CDH13: variants seen among roughly 807,000 people sequenced by gnomAD.
CDH13 encodes the protein cadherin-13.
In CDH13, 24 loss-of-function variants were observed where a neutral mutation model predicts 63.8. The observed-to-expected ratio is 0.38, with a 90% CI of 0.27 to 0.53. The LOEUF (loss-of-function observed/expected upper bound fraction) is 0.53, where lower values mean the gene tolerates loss of function less well. Among genes scored for constraint, CDH13 ranks in the 20% least tolerant of loss-of-function variants. The pLI, the probability that CDH13 is intolerant of heterozygous loss-of-function variation, is 0.85. For synonymous variants in CDH13, 503 were observed against 355.3 expected, an observed-to-expected ratio of 1.42 and a Z score of -4.67; for missense variants, 1,049 against 903.1, an observed-to-expected ratio of 1.16 and a Z score of -2.07.
intron 8 of CDH13, among the ~76,000 whole-genome samples, chr16:83,653,996 G>A (rs1446597563): frequency 6.6e-6 from 1 of 152,074 alleles, no homozygotes; most frequent in Non-Finnish European, 1.5e-5. Context: ...CATGGGTGGG[G>A]GAATTAACAT....
chr16:83,361,594 G>C (rs1259260999), intron 6 of CDH13, among the ~76,000 whole-genome samples: 1 of 152,160 alleles, frequency 6.6e-6, no homozygotes, highest in Non-Finnish European at 1.5e-5. Flanking sequence ...TGCATCTTGA[G>C]TTAATTTTTG....
chr16:83,687,927 C>G (rs1904475853), intron 10 of CDH13, among the ~76,000 whole-genome samples: 1 of 152,212 alleles, frequency 6.6e-6, no homozygotes, highest in South Asian at 2.1e-4. Flanking sequence ...ACTGCTTTGT[C>G]CTGATTTCTT....
At chr16:82,913,998 A>C (rs1597203197) in intron 2 of CDH13, among the ~76,000 whole-genome samples, 2 of 152,296 alleles carry the variant, frequency 1.3e-5, no homozygotes, top group South Asian at 4.1e-4. Context: ...ATCTGGCAGA[A>C]GAGAATTTAG....
At chr16:83,049,352 A>G (rs1195196002) in intron 3 of CDH13, among the ~76,000 whole-genome samples, 6 of 119,120 alleles carry the variant, frequency 5.0e-5, no homozygotes, top group Non-Finnish European at 8.2e-5. Context: ...TTTTTGAGAC[A>G]GAGTCTCACT....
chr16:83,700,190 C>A (rs1906008725), intron 10 of CDH13, among the ~76,000 whole-genome samples: 1 of 152,178 alleles, frequency 6.6e-6, no homozygotes, highest in African/African-American at 2.4e-5. Flanking sequence ...AGTATGCCCT[C>A]TTTTTTGTCT....
At chr16:83,054,371 A>C (rs1372822636) in intron 3 of CDH13, among the ~76,000 whole-genome samples, 1 of 152,228 alleles carries the variant, frequency 6.6e-6, no homozygotes, top group Non-Finnish European at 1.5e-5. Flanking sequence ...ACTAATCTTG[A>C]ACTTTGGGGC....
chr16:83,207,638 C>A lies in CDH13; in HGVS notation c.484-9707C>A, dbSNP rs561804564. 2.6e-5 allele frequency among the ~76,000 whole-genome samples: 4 copies of A among 151,996 alleles called. No individual in the cohort carries two copies. In the South Asian group the frequency reaches 6.2e-4, roughly 24 times the overall value. On this transcript the variant is annotated intron_variant, in intron 4 of 13. Coordinates refer to ENST00000567109, the MANE Select transcript of CDH13 (RefSeq NM_001257.5). ...TCACTTAGTAAAGATGATATTGCACCTGGCCAATAATAAGTTTTAAAATAA... is the reference window on the plus strand; with the variant it reads ...TCACTTAGTAAAGATGATATTGCACATGGCCAATAATAAGTTTTAAAATAA...
intron 5 of CDH13, among the ~76,000 whole-genome samples, chr16:83,243,150 G>A (rs1252555520): frequency 2.0e-5 from 3 of 152,150 alleles, no homozygotes; most frequent in East Asian, 3.9e-4. Flanking sequence ...GAGTGGCCTC[G>A]TACCAGGGCC....
At chr16:83,230,381 G>C (rs2039968713) in intron 5 of CDH13, among the ~76,000 whole-genome samples, 1 of 152,152 alleles carries the variant, frequency 6.6e-6, no homozygotes, top group Non-Finnish European at 1.5e-5. Flanking sequence ...CTCTTGGTGA[G>C]GTAGGCTGCA....
At chr16:83,499,277 G>T (rs1194819345) in intron 7 of CDH13, among the ~76,000 whole-genome samples, 2 of 152,222 alleles carry the variant, frequency 1.3e-5, no homozygotes, top group African/African-American at 4.8e-5. Flanking sequence ...TCCTTAAGCT[G>T]TGATACTTCT....
At position 83,795,560 on chromosome 16, in the gene CDH13, G is replaced by C. The variant is rs980283379; in HGVS notation, c.*530G>C. 1 of 152,936 alleles carries C rather than the reference G, an allele frequency of 6.5e-6. No homozygotes were observed. The highest frequency in any genetic ancestry group is 1.5e-5 in the Non-Finnish European group (1 of 68,602). The allele number at this position is 152,936 out of a possible 1,614,324, so 9.5% of individuals were successfully genotyped here. On this transcript the variant is annotated 3_prime_UTR_variant, in exon 14 of 14. Transcript: ENST00000567109. ...AAGGTCAGCATGAGGACAGACCACA[G>C]AGCTGTCACTTTTGCTCCGAAGCTA...
chr16:83,305,754 A>T (rs979363935), intron 5 of CDH13, among the ~76,000 whole-genome samples: 2 of 152,176 alleles, frequency 1.3e-5, no homozygotes, highest in Non-Finnish European at 2.9e-5. Context: ...TGGGATTAAT[A>T]CTACTTACCT....
intron 2 of CDH13, among the ~76,000 whole-genome samples, chr16:82,949,897 TTCATTTG>T (rs1905115134): frequency 6.6e-6 from 1 of 152,128 alleles, no homozygotes; most frequent in Non-Finnish European, 1.5e-5. Flanking sequence ...AATTGGGTGC[TTCATTTG>T]AAATCAGAAT....
chr16:83,356,901 A>G (rs935580613), intron 6 of CDH13, among the ~76,000 whole-genome samples: 7 of 152,226 alleles, frequency 4.6e-5, no homozygotes, highest in African/African-American at 1.7e-4. Flanking sequence ...TTTATTATTC[A>G]GAAGACTGGC....
At chr16:83,676,789 G>A (rs1333026075) in intron 9 of CDH13, among the ~76,000 whole-genome samples, 3 of 152,220 alleles carry the variant, frequency 2.0e-5, no homozygotes, top group Non-Finnish European at 2.9e-5. Flanking sequence ...GGCGTGCTTA[G>A]CACTGAATAC....
At chr16:82,835,815 A>G (rs1187530263) in intron 1 of CDH13, among the ~76,000 whole-genome samples, 1 of 152,196 alleles carries the variant, frequency 6.6e-6, no homozygotes, top group African/African-American at 2.4e-5. Context: ...AAGGACATTT[A>G]ATTCTTGGCC....
intron 1 of CDH13, among the ~76,000 whole-genome samples, chr16:82,800,647 G>A (rs533265992): frequency 6.6e-6 from 1 of 152,248 alleles, no homozygotes. Context: ...ACATGATTTG[G>A]AGCATATTTA....
chr16:82,635,525 G>C (rs185742490), intron 1 of CDH13, among the ~76,000 whole-genome samples: 341 of 152,340 alleles, frequency 2.2e-3, no homozygotes, highest in Non-Finnish European at 4.2e-3. Context: ...TTTTCTCAGA[G>C]CAAGTGGCAG....
chr16:82,989,140 G>A (rs538825915), intron 2 of CDH13, among the ~76,000 whole-genome samples: 1 of 152,322 alleles, frequency 6.6e-6, no homozygotes, highest in South Asian at 2.1e-4. Context: ...GAGACGGAGA[G>A]AGAGAATGAA....
Sources: gnomAD v4.1 joint callset for allele counts (sites outside exome capture counted in the v4.1 genomes callset) on GRCh38, gnomAD v4.1.1 for gene constraint, MANE v1.5 for transcripts, NCBI Gene and HGNC (gene_info 2026-07-23, HGNC 2026-07-21) for gene names.